PHACTR1: variants seen among roughly 807,000 people sequenced by gnomAD.
The protein encoded by PHACTR1 is phosphatase and actin regulator 1.
PHACTR1 carries 16 observed loss-of-function variants against 69.2 expected under a neutral mutation model. The observed-to-expected ratio is 0.23, with a 90% CI of 0.16 to 0.35. The LOEUF (loss-of-function observed/expected upper bound fraction) is 0.35. Among genes scored for constraint, PHACTR1 ranks in the 10% least tolerant of loss-of-function variants. PHACTR1 has a pLI of 1.00. For synonymous variants in PHACTR1, 312 were observed against 284.5 expected (o/e 1.10, Z -0.97); for missense variants, 510 against 734.7 (o/e 0.69, Z 3.54).
chr6:13,098,360 A>G (rs1561827943), intron 5 of PHACTR1, among the ~76,000 whole-genome samples: 1 of 150,098 alleles, frequency 6.7e-6, no homozygotes, highest in East Asian at 2.0e-4. Context: ...CTCCCTTGCT[A>G]CTCCTCCACC....
At chr6:12,830,095 A>AAG (rs1438299535) in intron 4 of PHACTR1, among the ~76,000 whole-genome samples, 1 of 9,076 alleles carries the variant, frequency 1.1e-4, no homozygotes, top group African/African-American at 2.3e-4. Flanking sequence ...GAAGGAGGGA[A>AAG]AGAAAGAAAG....
intron 4 of PHACTR1, among the ~76,000 whole-genome samples, chr6:12,815,789 C>G (rs1292602004): frequency 2.0e-5 from 3 of 152,200 alleles, no homozygotes; most frequent in African/African-American, 7.2e-5. Flanking sequence ...TGTTACTTAA[C>G]TGAACACCAA....
At chr6:13,206,418 G>A (rs2113877137) in intron 8 of PHACTR1, among the ~76,000 whole-genome samples, 1 of 152,144 alleles carries the variant, frequency 6.6e-6, no homozygotes, top group East Asian at 1.9e-4. Flanking sequence ...AGTGTCATTA[G>A]TAGGTTCGTG....
intron 5 of PHACTR1, among the ~76,000 whole-genome samples, chr6:13,117,133 T>C (rs1032047878): frequency 6.6e-6 from 1 of 152,226 alleles, no homozygotes; most frequent in African/African-American, 2.4e-5. Context: ...GCCACCATGT[T>C]GTTTCAGAGC....
chr6:13,012,195 A>G (rs1409184019), intron 4 of PHACTR1, among the ~76,000 whole-genome samples: 2 of 152,260 alleles, frequency 1.3e-5, no homozygotes, highest in East Asian at 1.9e-4. Flanking sequence ...TGTGCAGACT[A>G]CTTGCAGATG....
chr6:12,966,974 A>T (rs538852160), intron 4 of PHACTR1, among the ~76,000 whole-genome samples: 17 of 152,302 alleles, frequency 1.1e-4, no homozygotes, highest in African/African-American at 3.8e-4. Flanking sequence ...TTCATCTCTG[A>T]TATGAATTAT....
chr6:13,093,776 G>A (rs1249843919), intron 5 of PHACTR1, among the ~76,000 whole-genome samples: 1 of 152,202 alleles, frequency 6.6e-6, no homozygotes, highest in Non-Finnish European at 1.5e-5. Context: ...CTAAACACTA[G>A]GAGTGAAAGT....
intron 2 of PHACTR1, 162 bp from the exon 3 acceptor site, chr6:12,718,537 G>A (rs1761683067): frequency 6.1e-6 from 2 of 328,702 alleles, no homozygotes; most frequent in South Asian, 1.2e-4. Context: ...TTCTCACACG[G>A]TAGGAAAGCT....
At chr6:12,788,098 C>T (rs1771770689) in intron 4 of PHACTR1, among the ~76,000 whole-genome samples, 3 of 151,620 alleles carry the variant, frequency 2.0e-5, no homozygotes, top group Admixed American at 6.6e-5. Flanking sequence ...GCAGAGGTTG[C>T]AGTGAGCCAA....
intron 4 of PHACTR1, among the ~76,000 whole-genome samples, chr6:12,902,424 A>C (rs929516417): frequency 2.6e-5 from 4 of 152,188 alleles, no homozygotes; most frequent in African/African-American, 7.2e-5. Context: ...TCCTGTCTCC[A>C]AAAATAAAGA....
At chr6:12,942,156 T>C (rs1790123674) in intron 4 of PHACTR1, among the ~76,000 whole-genome samples, 1 of 152,084 alleles carries the variant, frequency 6.6e-6, no homozygotes, top group Admixed American at 6.6e-5. Flanking sequence ...GGAAACAGAA[T>C]ATTCCAACAG....
chr6:13,262,992 C>T (rs778616222), intron 10 of PHACTR1, among the ~76,000 whole-genome samples: 2 of 152,188 alleles, frequency 1.3e-5, no homozygotes, highest in Non-Finnish European at 2.9e-5. Flanking sequence ...AAAGCTGTGA[C>T]CTTGGTGTTC....
intron 4 of PHACTR1, among the ~76,000 whole-genome samples, chr6:13,005,498 T>C (rs773922533): frequency 2.2e-4 from 34 of 152,306 alleles, no homozygotes; most frequent in African/African-American, 3.4e-4. Flanking sequence ...CAAACTGTTA[T>C]ATTAATTTGT....
intron 4 of PHACTR1, among the ~76,000 whole-genome samples, chr6:12,972,450 C>T (rs1476314515): frequency 6.6e-6 from 1 of 152,158 alleles, no homozygotes; most frequent in Non-Finnish European, 1.5e-5. Flanking sequence ...GATTTATTCA[C>T]AGTTCTGGAG....
At chr6:13,169,209 G>A (rs555980856) in intron 6 of PHACTR1, among the ~76,000 whole-genome samples, 12 of 152,272 alleles carry the variant, frequency 7.9e-5, no homozygotes, top group African/African-American at 2.6e-4. Context: ...TTGGGCGTGG[G>A]CGACTGGGTA....
chr6:13,108,500 C>G (rs1219701349), intron 5 of PHACTR1, among the ~76,000 whole-genome samples: 1 of 151,902 alleles, frequency 6.6e-6, no homozygotes, highest in Non-Finnish European at 1.5e-5. Context: ...GTTTTTTCCT[C>G]CTTTCATACT....
intron 4 of PHACTR1, among the ~76,000 whole-genome samples, chr6:12,759,140 A>G (rs1405696581): frequency 1.3e-5 from 2 of 151,494 alleles, no homozygotes; most frequent in Non-Finnish European, 2.9e-5. Flanking sequence ...AAAAAAAAAA[A>G]AAAAAGAATG....
At chr6:12,818,492 A>G (rs1021363301) in intron 4 of PHACTR1, among the ~76,000 whole-genome samples, 3 of 152,210 alleles carry the variant, frequency 2.0e-5, no homozygotes, top group African/African-American at 7.2e-5. Flanking sequence ...CTAATCAGCC[A>G]AAGTCAGTCA....
intron 4 of PHACTR1, among the ~76,000 whole-genome samples, chr6:13,011,645 T>G (rs1799462616): frequency 6.6e-6 from 1 of 152,230 alleles, no homozygotes; most frequent in Non-Finnish European, 1.5e-5. Flanking sequence ...GTTGCTTTAA[T>G]GAGGTCAGAT....
Sources: gnomAD v4.1 joint callset for allele counts (sites outside exome capture counted in the v4.1 genomes callset) on GRCh38, gnomAD v4.1.1 for gene constraint, MANE v1.5 for transcripts, NCBI Gene and HGNC (gene_info 2026-07-23, HGNC 2026-07-21) for gene names.